PALLD: variants seen among roughly 807,000 people sequenced by gnomAD.
PALLD encodes the protein palladin, cytoskeletal associated protein.
Under a neutral mutation model 123.5 loss-of-function variants are expected in PALLD, and 61 were observed. That is an observed-to-expected ratio of 0.49 (90% CI 0.40 to 0.61). The LOEUF (loss-of-function observed/expected upper bound fraction) is 0.61, where lower values mean the gene tolerates loss of function less well. PALLD is among the 20% of genes least tolerant of loss of function. PALLD has a pLI of 0.00. For synonymous variants in PALLD, 465 were observed against 496.4 expected (o/e 0.94, Z 0.84); for missense variants, 1,273 against 1,377.0 (o/e 0.92, Z 1.20).
intron 10 of PALLD, among the ~76,000 whole-genome samples, chr4:168,834,701 C>A (rs1220875391): frequency 6.6e-6 from 1 of 152,096 alleles, no homozygotes; most frequent in Non-Finnish European, 1.5e-5. Flanking sequence ...TACACCACTG[C>A]ACTCCAGCCT....
chr4:168,767,422 A>G (rs1166332494), intron 10 of PALLD, among the ~76,000 whole-genome samples: 1 of 152,220 alleles, frequency 6.6e-6, no homozygotes, highest in Non-Finnish European at 1.5e-5. Flanking sequence ...AGCTGCCCAA[A>G]TTGCAGTATC....
At chr4:168,663,293 G>A (rs1048391903) in intron 2 of PALLD, among the ~76,000 whole-genome samples, 1 of 152,226 alleles carries the variant, frequency 6.6e-6, no homozygotes, top group African/African-American at 2.4e-5. Context: ...GACGTGCCAG[G>A]GTCAGTCAGA....
rs544491953 is a variant in PALLD at position 168,903,823 on chromosome 4, C to G, written c.2539C>G (p.Leu847Val). ...KSDHYTIQRD[L>V]DGTCSLHTTA... ...TGATCACTACACCATTCAAAGAGAT[C>G]TCGATGGGACCTGCTCCCTCCATAC... Residue 847 changes from leucine (L) to valine (V), a missense_variant, in exon 15 of 22, where the codon CTC (leucine) becomes GTC (valine). Physicochemically the swap from Leu to Val is conservative, Grantham distance 32. Around this residue, in one of 2 missense-constraint regions of PALLD, gnomAD observed 329 missense variants for 422.5 expected, o/e 0.78. Transcript: ENST00000505667. The G allele has an allele frequency of 2.1e-5, 34 of 1,612,514 alleles. 1 individual carries two copies. In the South Asian group the frequency reaches 2.4e-4, roughly 11 times the overall value.
chr4:168,516,971 T>C (rs1763046908), intron 2 of PALLD, among the ~76,000 whole-genome samples: 1 of 151,978 alleles, frequency 6.6e-6, no homozygotes, highest in Non-Finnish European at 1.5e-5. Context: ...AAACATTCAG[T>C]GTTGGGTAGT....
At chr4:168,613,208 G>T (rs1036480363) in intron 2 of PALLD, among the ~76,000 whole-genome samples, 1 of 152,116 alleles carries the variant, frequency 6.6e-6, no homozygotes, top group South Asian at 2.1e-4. Context: ...TCGGACTGAG[G>T]GGTTTACTGG....
chr4:168,556,120 G>T (rs1350476709), intron 2 of PALLD, among the ~76,000 whole-genome samples: 5 of 150,942 alleles, frequency 3.3e-5, no homozygotes, highest in African/African-American at 1.2e-4. Context: ...TTTTGAGACA[G>T]AGTCTCACTC....
At chr4:168,904,792 G>T (rs1426256973) in intron 15 of PALLD, among the ~76,000 whole-genome samples, 2 of 152,038 alleles carry the variant, frequency 1.3e-5, no homozygotes, top group East Asian at 3.9e-4. Context: ...TTTAGCATTA[G>T]AAACTATATA....
intron 10 of PALLD, among the ~76,000 whole-genome samples, chr4:168,807,471 G>A (rs539426629): frequency 2.6e-5 from 4 of 152,192 alleles, no homozygotes; most frequent in East Asian, 1.9e-4. Context: ...GTGCAATGGC[G>A]CGATCTGGGC....
At chr4:168,658,333 A>G (rs1209963452) in intron 2 of PALLD, among the ~76,000 whole-genome samples, 2 of 129,900 alleles carry the variant, frequency 1.5e-5, no homozygotes, top group African/African-American at 3.1e-5. Flanking sequence ...CACTCAGGCT[A>G]GAGTGCAGTG....
chr4:168,658,673 A>T (rs1368558033), intron 2 of PALLD, among the ~76,000 whole-genome samples: 1 of 152,202 alleles, frequency 6.6e-6, no homozygotes, highest in Non-Finnish European at 1.5e-5. Flanking sequence ...AAAAAGAAAA[A>T]AAAAAGGCAA....
intron 2 of PALLD, among the ~76,000 whole-genome samples, chr4:168,662,953 C>T (rs1779264850): frequency 1.3e-5 from 2 of 152,230 alleles, no homozygotes; most frequent in African/African-American, 2.4e-5. Context: ...TATGCACTAA[C>T]TAGATTATTT....
intron 2 of PALLD, among the ~76,000 whole-genome samples, chr4:168,630,574 A>C (rs1775713616): frequency 1.3e-5 from 2 of 152,056 alleles, no homozygotes; most frequent in Admixed American, 1.3e-4. Flanking sequence ...TCTACTATTG[A>C]CCTCTCAAGA....
intron 2 of PALLD, among the ~76,000 whole-genome samples, chr4:168,542,717 CATAT>C (rs70961531): frequency 1.1e-3 from 97 of 88,890 alleles, no homozygotes; most frequent in African/African-American, 2.7e-3. Flanking sequence ...CTAACCTTTC[CATAT>C]ATATATATAT....
At chr4:168,780,320 C>T (rs1735742825) in intron 10 of PALLD, among the ~76,000 whole-genome samples, 1 of 152,198 alleles carries the variant, frequency 6.6e-6, no homozygotes, top group South Asian at 2.1e-4. Flanking sequence ...AACCTTTTTT[C>T]CCATGGCACA....
At chr4:168,701,936 T>G (rs1783710619) in intron 8 of PALLD, among the ~76,000 whole-genome samples, 1 of 152,200 alleles carries the variant, frequency 6.6e-6, no homozygotes, top group Non-Finnish European at 1.5e-5. Flanking sequence ...ACTCCAAACC[T>G]CGTAAGAAGG....
intron 10 of PALLD, among the ~76,000 whole-genome samples, chr4:168,816,612 C>G (rs1355193465): frequency 6.6e-6 from 1 of 151,836 alleles, no homozygotes; most frequent in South Asian, 2.1e-4. Context: ...AATACATACC[C>G]TGCCATAGGA....
intron 3 of PALLD, among the ~76,000 whole-genome samples, chr4:168,672,670 G>C (rs1235063142): frequency 6.6e-6 from 1 of 152,132 alleles, no homozygotes; most frequent in Non-Finnish European, 1.5e-5. Context: ...GTGTTAGCCA[G>C]GATGGTCTTG....
chr4:168,588,521 C>T (rs2319908), intron 2 of PALLD, among the ~76,000 whole-genome samples: 5,073 of 152,144 alleles, frequency 0.033, 277 homozygotes, highest in African/African-American at 0.11. Context: ...CATGCCTCAG[C>T]CTCCTGAGTA....
intron 10 of PALLD, among the ~76,000 whole-genome samples, chr4:168,838,957 A>AT (rs1031923330): frequency 2.6e-5 from 4 of 151,814 alleles, no homozygotes; most frequent in Non-Finnish European, 5.9e-5. Context: ...CTAAGAAATA[A>AT]TTTTTTTTGT....
Sources: gnomAD v4.1 joint callset for allele counts (sites outside exome capture counted in the v4.1 genomes callset) on GRCh38, gnomAD v4.1.1 for gene constraint, gnomAD v4.1.1 regional missense constraint, MANE v1.5 for transcripts, NCBI Gene and HGNC (gene_info 2026-07-23, HGNC 2026-07-21) for gene names.